Variants in CYP3A43 observed in about 807,000 individuals in gnomAD.
The protein encoded by CYP3A43 is cytochrome P450 3A43.
CYP3A43 carries 45 observed loss-of-function variants against 58.0 expected under a neutral mutation model. That is an observed-to-expected ratio of 0.78 (90% confidence interval 0.61 to 0.99). The LOEUF (loss-of-function observed/expected upper bound fraction) is 0.99, where lower values mean the gene tolerates loss of function less well. Among genes scored for constraint, CYP3A43 ranks in the 50% least tolerant of loss-of-function variants. The pLI, the probability that CYP3A43 is intolerant of heterozygous loss-of-function variation, is 0.00. For missense variants in CYP3A43, 593 were observed against 591.9 expected, an observed-to-expected ratio of 1.00 and a Z score of -0.02; for synonymous variants, 191 against 201.4, an observed-to-expected ratio of 0.95 and a Z score of 0.44.
In CYP3A43 at chr7:99,864,353, C is replaced by T. The variant is rs139848828; in HGVS notation, c.1416+654C>T. Among the ~76,000 whole-genome samples the T allele has an allele frequency of 1.4e-4, 21 of 149,016 alleles. 1 individual carries two copies. The highest frequency in any genetic ancestry group is 4.9e-4 in the African/African-American group (19 of 38,408). On this transcript the variant is annotated intron_variant, in intron 12 of 12. Coordinates refer to ENST00000354829, the MANE Select transcript of CYP3A43 (RefSeq NM_057095.3). Reference sequence around the variant, plus strand: ...ACCTTATCTTCCAGGAGCACTGCTTCGCTGCTTCATACAAGCTGTGCATCT... The same window carrying T: ...ACCTTATCTTCCAGGAGCACTGCTTTGCTGCTTCATACAAGCTGTGCATCT...
Position 99,863,669 on chromosome 7 carries a change from C to G in CYP3A43, c.1386C>G (p.Asn462Lys). The change falls in exon 12 of 13, where the codon AAC (asparagine) becomes AAG (lysine). Residue 462 changes from asparagine to lysine, a missense_variant. Transcript: ENST00000354829. ...IKLAVIRALQNFSFKPCKETQ... is the reference protein window; with the variant it reads ...IKLAVIRALQKFSFKPCKETQ... ...TTGCTGTCATTAGAGCACTGCAGAA[C>G]TTCTCCTTCAAACCTTGTAAAGAGA... 6.2e-7 allele frequency: 1 copy of G among 1,610,236 alleles called. No individual in the cohort carries two copies. The highest frequency in any genetic ancestry group is 1.1e-5 in the South Asian group (1 of 89,712).
chr7:99,849,800 A>T (rs943980925), intron 7 of CYP3A43, 106 bp downstream of exon 7: 152 of 1,123,934 alleles, frequency 1.4e-4, no homozygotes, highest in Admixed American at 3.1e-4. Context: ...TCACCTACTT[A>T]AAATGTATAA....
intron 10 of CYP3A43, among the ~76,000 whole-genome samples, chr7:99,861,065 G>A (rs375589323): frequency 1.4e-4 from 21 of 152,172 alleles, no homozygotes; most frequent in East Asian, 1.2e-3. Context: ...GTAGACACAG[G>A]GTTTCACCAT....
rs191457858 is a variant in CYP3A43, at chr7:99,851,056, A to G, written c.670+1362A>G. On this transcript the variant is annotated intron_variant, in intron 7 of 12. Coordinates refer to ENST00000354829, the MANE Select transcript of CYP3A43 (RefSeq NM_057095.3). ...GTGGCGGGTGTCTGTAATCCCAGCT[A>G]TCAGGAACCTGAGGCAGGAGAATCA... Among the ~76,000 whole-genome samples, 126 of 152,150 alleles carry G rather than the reference A, an allele frequency of 8.3e-4. No individual in the cohort carries two copies. In the South Asian group the frequency reaches 0.013, roughly 16 times the overall value.
At chr7:99,847,893 T>A in intron 5 of CYP3A43, 1 of 520,290 alleles carries the variant, frequency 1.9e-6, no homozygotes, top group Non-Finnish European at 3.4e-6. Flanking sequence ...ATGCCTATAA[T>A]CCTAGCTGCT....
At position 99,849,665 on chromosome 7, in the gene CYP3A43, A is replaced by AT. The variant is rs779975576; in HGVS notation, c.647dup (p.Leu216PhefsTer19). ...AATATGAAGAAGCTTTTAAAATTGG[A>AT]TTTTTTGGATCCCTTTTTACTCTTA... On this transcript the variant is annotated frameshift_variant, in exon 7 of 13. Coordinates refer to ENST00000354829, the MANE Select transcript of CYP3A43 (RefSeq NM_057095.3). LOFTEE classifies it high-confidence loss of function. The AT allele has an allele frequency of 1.2e-5, 19 of 1,609,564 alleles. No homozygotes were observed. In the Admixed American group the frequency reaches 3.1e-4, roughly 26 times the overall value.
At chr7:99,833,832 T>C (rs1033606905) in intron 1 of CYP3A43, among the ~76,000 whole-genome samples, 3 of 152,234 alleles carry the variant, frequency 2.0e-5, no homozygotes, top group Admixed American at 6.5e-5. Context: ...TATAGTTGAC[T>C]GAATACTCCT....
chr7:99,847,689 G>A, intron 5 of CYP3A43, 88 bp downstream of exon 5: 1 of 1,579,280 alleles, frequency 6.3e-7, no homozygotes, highest in Non-Finnish European at 8.6e-7. Context: ...CTTTCTAATG[G>A]GTAGTCCACT....
intron 7 of CYP3A43, chr7:99,849,945 C>G: frequency 1.9e-6 from 1 of 529,114 alleles, no homozygotes; most frequent in Middle Eastern, 5.4e-4. Flanking sequence ...CCCTTCCAAT[C>G]TTCCTCACCA....
intron 12 of CYP3A43, among the ~76,000 whole-genome samples, chr7:99,864,678 T>C (rs1818379621): frequency 6.7e-6 from 1 of 148,890 alleles, no homozygotes; most frequent in Non-Finnish European, 1.5e-5. Context: ...CAATAGTGTC[T>C]TGCAGAGGAC....
chr7:99,838,995 C>T lies in CYP3A43; in HGVS notation c.166-125C>T. Reference sequence around the variant, plus strand: ...AGGAAAAAAAAAAGATTCCCTCTAACTGCCAGTAAATGGTAGCAAGCCTAA... The same window carrying T: ...AGGAAAAAAAAAAGATTCCCTCTAATTGCCAGTAAATGGTAGCAAGCCTAA... On this transcript the variant is annotated intron_variant, in intron 2 of 12. Coordinates refer to ENST00000354829, the MANE Select transcript of CYP3A43 (RefSeq NM_057095.3). The T allele has an allele frequency of 6.4e-6, 7 of 1,090,922 alleles. 1 individual carries two copies. Among genetic ancestry groups the T allele is most frequent in the Non-Finnish European group, 9.5e-6 (7 of 736,018 alleles). The allele number at this position is 1,090,922 out of a possible 1,614,324, so 67.6% of individuals were successfully genotyped here.
chr7:99,828,667 A>G (rs534465270), intron 1 of CYP3A43, among the ~76,000 whole-genome samples: 1 of 152,170 alleles, frequency 6.6e-6, no homozygotes, highest in Non-Finnish European at 1.5e-5. Flanking sequence ...TCTCAAAAAA[A>G]AAAATAAAAC....
chr7:99,847,443 C>T (rs775706986), intron 4 of CYP3A43, 45 bp from the exon 5 acceptor site: 2 of 1,590,418 alleles, frequency 1.3e-6, no homozygotes, highest in Non-Finnish European at 1.7e-6. Context: ...CTATGGAGAT[C>T]TCTAAAACTT....
chr7:99,845,735 A>T (rs1817519376), intron 4 of CYP3A43, among the ~76,000 whole-genome samples: 1 of 151,830 alleles, frequency 6.6e-6, no homozygotes. Context: ...AACATCATGT[A>T]GAGGGATTAC....
At position 99,862,338 on chromosome 7, in the gene CYP3A43, T is replaced by A. The variant is rs186288029; in HGVS notation, c.1253+499T>A. ...TCCTTTTTCTTTCAACATTGCTTGCTGTTTTCCGTAATGTAACTGTGAAAG... is the reference window on the plus strand; with the variant it reads ...TCCTTTTTCTTTCAACATTGCTTGCAGTTTTCCGTAATGTAACTGTGAAAG... On this transcript the variant is annotated intron_variant, in intron 11 of 12. Coordinates refer to ENST00000354829, the MANE Select transcript of CYP3A43 (RefSeq NM_057095.3). Among the ~76,000 whole-genome samples the A allele has an allele frequency of 1.8e-3, 272 of 152,322 alleles. 1 individual carries two copies. Among genetic ancestry groups the A allele is most frequent in the African/African-American group, 6.3e-3 (261 of 41,568 alleles).
intron 1 of CYP3A43, among the ~76,000 whole-genome samples, chr7:99,835,455 A>C (rs946160206): frequency 2.6e-5 from 4 of 152,186 alleles, no homozygotes; most frequent in African/African-American, 9.7e-5. Context: ...TAGGCATCAA[A>C]ATACAAGGAA....
intron 3 of CYP3A43, chr7:99,839,451 G>C: frequency 1.6e-6 from 1 of 626,280 alleles, no homozygotes; most frequent in Middle Eastern, 2.6e-4. Flanking sequence ...AATCGAGCTT[G>C]AGAATTAAGT....
chr7:99,863,575 GATAC>G lies in CYP3A43; in HGVS notation c.1297_1300del (p.Ile433LeufsTer12). On this transcript the variant is annotated frameshift_variant, in exon 12 of 13. Transcript: ENST00000354829. LOFTEE classifies it high-confidence loss of function. The stretch of plus-strand genomic sequence containing the variant: ...AACAAGGACAGCATAGATCTTTACA[GATAC>G]ATACCTTTTGGAGCTGGACCCCGAA... The G allele has an allele frequency of 6.2e-7, 1 of 1,613,788 alleles. No homozygotes were observed. Among genetic ancestry groups the G allele is most frequent in the Non-Finnish European group, 8.5e-7 (1 of 1,179,906 alleles).
rs201708823 is a variant in CYP3A43, at chr7:99,839,169, G to C, written c.215G>C (p.Trp72Ser). 30 of 1,614,144 alleles carry C rather than the reference G, an allele frequency of 1.9e-5. No individual in the cohort carries two copies. The East Asian group carries it at 6.5e-4, about 35-fold the overall frequency. The change falls in exon 3 of 13, where the codon TGG (tryptophan) becomes TCG (serine). Residue 72 changes from tryptophan to serine, a missense_variant. Transcript: ENST00000354829. ...TGTAATGAAAAATACGGAGAAATGT[G>C]GGGGTGAGTATTCTGGAAACTTGCA... Reference protein sequence around the residue: ...RECNEKYGEMWGLYEGQQPML... With the variant: ...RECNEKYGEMSGLYEGQQPML...
Sources: gnomAD v4.1 joint callset for allele counts (sites outside exome capture counted in the v4.1 genomes callset) on GRCh38, gnomAD v4.1.1 for gene constraint, MANE v1.5 for transcripts, NCBI Gene and HGNC (gene_info 2026-07-23, HGNC 2026-07-21) for gene names.